The following CENPS variants were observed in gnomAD, a reference collection of about 807,000 sequenced individuals.
CENPS encodes the protein FANCM associated histone fold protein 1.
A neutral mutation model predicts 17.9 loss-of-function variants in CENPS; 16 were observed. The observed-to-expected ratio is 0.90, with a 90% CI of 0.61 to 1.36. The LOEUF (loss-of-function observed/expected upper bound fraction) is 1.36, where lower values mean the gene tolerates loss of function less well. Among genes scored for constraint, CENPS ranks in the 40% most tolerant of loss-of-function variants. The probability of loss-of-function intolerance (pLI) is 0.00; values close to 1 mark genes in which losing one functional copy is unlikely to be tolerated. For synonymous variants in CENPS, 49 were observed against 55.8 expected (o/e 0.88, Z 0.54); for missense variants, 160 against 158.6 (o/e 1.01, Z -0.05).
intron 3 of CENPS, among the ~76,000 whole-genome samples, chr1:10,438,213 C>T (rs11808556): frequency 0.081 from 12,326 of 151,788 alleles, 1,630 homozygotes; most frequent in African/African-American, 0.28. Context: ...GGTGTGATCT[C>T]GGCTCACTGC....
At position 10,442,341 on chromosome 1, in the gene CENPS, C is replaced by CA. The variant is rs1640453708; in HGVS notation, c.354dup (p.Glu119ArgfsTer19). Reference sequence around the variant, plus strand: ...CGAAAAGCACAGAAGAAAAAGAAGTCAGAGGATGGAAGCAAAAATTCAAGG... The same window carrying CA: ...CGAAAAGCACAGAAGAAAAAGAAGTCAAGAGGATGGAAGCAAAAATTCAAGG... On this transcript the variant is annotated frameshift_variant, in exon 5 of 5. Transcript: ENST00000309048. LOFTEE classifies it low-confidence loss of function (END_TRUNC). The CA allele has an allele frequency of 1.2e-6, 2 of 1,605,446 alleles. No individual in the cohort carries two copies.
intron 1 of CENPS, among the ~76,000 whole-genome samples, chr1:10,431,982 A>G (rs1639940934): frequency 6.6e-6 from 1 of 151,900 alleles, no homozygotes; most frequent in Admixed American, 6.6e-5. Flanking sequence ...CACTTGTCCT[A>G]AAGATGTTTC....
Position 10,433,886 on chromosome 1 carries a change from G to A in CENPS, c.96G>A (p.Glu32=), listed in dbSNP as rs912565105. The A allele has an allele frequency of 6.2e-7, 1 of 1,614,212 alleles. No individual in the cohort carries two copies. Among genetic ancestry groups the A allele is most frequent in the Non-Finnish European group, 8.5e-7 (1 of 1,180,028 alleles). Residue 32 remains glutamate (E), a synonymous_variant, in exon 2 of 5, where the codon GAG becomes GAA. Transcript: ENST00000309048. ...ACTATACTGTGGGTTGTCTTTGCGAGGAAGTTGCATTGGACAAAGAGATGC... is the reference window on the plus strand; with the variant it reads ...ACTATACTGTGGGTTGTCTTTGCGAAGAAGTTGCATTGGACAAAGAGATGC... ...AVHYTVGCLC[E]EVALDKEMQF...
chr1:10,435,662 C>T (rs905342435), intron 3 of CENPS, among the ~76,000 whole-genome samples: 7 of 145,732 alleles, frequency 4.8e-5, no homozygotes, highest in African/African-American at 1.8e-4. Flanking sequence ...TATTTATTAG[C>T]TGTGGGAAAA....
At chr1:10,431,855 G>GAA (rs5772410) in intron 1 of CENPS, among the ~76,000 whole-genome samples, 18,571 of 118,436 alleles carry the variant, frequency 0.16, 2,191 homozygotes, top group African/African-American at 0.31. Context: ...CTCCATCTCA[G>GAA]AAAAAAAAAA....
chr1:10,437,400 CTT>C (rs199866573), intron 3 of CENPS, among the ~76,000 whole-genome samples: 71 of 142,464 alleles, frequency 5.0e-4, no homozygotes, highest in Middle Eastern at 3.7e-3. Context: ...TTTCTTATTT[CTT>C]TTTTTTTTTT....
intron 1 of CENPS, among the ~76,000 whole-genome samples, chr1:10,433,111 G>A (rs1257549021): frequency 1.3e-5 from 2 of 152,156 alleles, no homozygotes; most frequent in Non-Finnish European, 1.5e-5. Flanking sequence ...CTTCGGCCCC[G>A]AGGCGGAGTA....
In CENPS at chr1:10,433,931, T is replaced by C. The variant is rs76326034; in HGVS notation, c.141T>C (p.Ile47=). ...DKEMQFSKQT[I]AAISELTFRQ... is the part of the protein sequence containing the mutation. ...AGATGCAGTTCAGCAAACAGACCAT[T>C]GCGGCCATTTCGGAGCTGACTTTCC... The change falls in exon 2 of 5, where the codon ATT becomes ATC. Residue 47 remains isoleucine (I), a synonymous_variant. Coordinates refer to ENST00000309048, the MANE Select transcript of CENPS (RefSeq NM_199294.3). The C allele has an allele frequency of 1.3e-5, 21 of 1,614,212 alleles. No homozygotes were observed. In the East Asian group the frequency reaches 4.0e-4, roughly 31 times the overall value.
rs59257602 is a variant in CENPS, at chr1:10,437,758, AT to A, written c.210-2565del. ...TGGCATGAGCCACTGTGCCTGGCCA[AT>A]TTTTTTTTTTTTTTTTTTTTTTTGA... On this transcript the variant is annotated intron_variant, in intron 3 of 4. Coordinates refer to ENST00000309048, the MANE Select transcript of CENPS (RefSeq NM_199294.3). 5.3e-3 allele frequency among the ~76,000 whole-genome samples: 657 copies of A among 123,150 alleles called. 1 individual carries two copies. The highest frequency in any genetic ancestry group is 0.018 in the East Asian group (74 of 4,142). 80.8% of individuals were successfully genotyped at this position (123,150 alleles called of 152,430 possible).
In CENPS at chr1:10,431,406, A is replaced by G. The variant is rs1430770831; in HGVS notation, c.51+838A>G. On this transcript the variant is annotated intron_variant, in intron 1 of 4. Coordinates refer to ENST00000309048, the MANE Select transcript of CENPS (RefSeq NM_199294.3). The stretch of plus-strand genomic sequence containing the variant: ...CAGAAAAGTTGCAAGAACACGGTAC[A>G]GAATGCCCAGATGCCCGTCACCTTG... 4.6e-6 allele frequency: 7 copies of G among 1,535,226 alleles called. No homozygotes were observed. The Admixed American group carries it at 1.4e-4, about 30-fold the overall frequency.
chr1:10,435,389 T>C (rs1223924138), intron 3 of CENPS, among the ~76,000 whole-genome samples: 2 of 152,056 alleles, frequency 1.3e-5, no homozygotes, highest in Non-Finnish European at 2.9e-5. Flanking sequence ...CTTTTCACCT[T>C]GTTCCCGTTA....
At position 10,430,531 on chromosome 1, in the gene CENPS, C is replaced by A; in HGVS notation, c.14C>A (p.Ala5Glu). The change falls in exon 1 of 5, where the codon GCG (alanine) becomes GAG (glutamate). Residue 5 changes from alanine to glutamate, a missense_variant. By Grantham distance (107) the Ala-to-Glu change is moderately radical. Coordinates refer to ENST00000309048, the MANE Select transcript of CENPS (RefSeq NM_199294.3). ...CGGCCCGCAGTGATGGAGGAGGAGG[C>A]GGAGACCGAGGAGCAGCAGCGATTC... Reference protein sequence around the residue: MEEEAETEEQQRFSY... With the variant: MEEEEETEEQQRFSY... The A allele has an allele frequency of 6.5e-7, 1 of 1,537,550 alleles. No individual in the cohort carries two copies. The highest frequency in any genetic ancestry group is 8.8e-7 in the Non-Finnish European group (1 of 1,142,358).
In CENPS at chr1:10,433,888, A is replaced by C. The variant is rs1182092596; in HGVS notation, c.98A>C (p.Glu33Ala). Residue 33 changes from glutamate to alanine, a missense_variant, in exon 2 of 5, where the codon GAA becomes GCA. Transcript: ENST00000309048. ...VHYTVGCLCE[E>A]VALDKEMQFS... ...TATACTGTGGGTTGTCTTTGCGAGG[A>C]AGTTGCATTGGACAAAGAGATGCAG... 4 of 1,614,182 alleles carry C rather than the reference A, an allele frequency of 2.5e-6. No homozygotes were observed. In the Middle Eastern group the frequency reaches 4.9e-4, roughly 200 times the overall value.
chr1:10,433,324 G>A (rs1640006851), intron 1 of CENPS, among the ~76,000 whole-genome samples: 1 of 152,200 alleles, frequency 6.6e-6, no homozygotes, highest in African/African-American at 2.4e-5. Flanking sequence ...AGAGGGGTGG[G>A]TGTGCCCTCT....
chr1:10,431,042 T>C, intron 1 of CENPS: 1 of 1,347,188 alleles, frequency 7.4e-7, no homozygotes, highest in Non-Finnish European at 9.6e-7. Context: ...AGCTCGTCCT[T>C]AGATGTGGGT....
At chr1:10,438,014 G>A (rs1315129591) in intron 3 of CENPS, among the ~76,000 whole-genome samples, 2 of 152,000 alleles carry the variant, frequency 1.3e-5, no homozygotes, top group Admixed American at 6.6e-5. Flanking sequence ...CGCCTGCCTC[G>A]GCCTCCCAAA....
chr1:10,440,364 C>T lies in CENPS; in HGVS notation c.227C>T (p.Thr76Ile). ...EMFARHAKRT[T>I]INTEDVKLLA... ...TTCTGCAGACATGCGAAAAGAACCA[C>T]AATTAACACTGAAGATGTGAAGCTC... Residue 76 changes from threonine (T) to isoleucine (I), a missense_variant, in exon 4 of 5, where the codon ACA becomes ATA. By Grantham distance (89) the Thr-to-Ile change is moderately conservative. Transcript: ENST00000309048. The T allele has an allele frequency of 1.2e-6, 2 of 1,613,930 alleles. No homozygotes were observed. The highest frequency in any genetic ancestry group is 1.7e-6 in the Non-Finnish European group (2 of 1,179,958).
At chr1:10,439,259 G>T (rs1344990060) in intron 3 of CENPS, among the ~76,000 whole-genome samples, 1 of 152,218 alleles carries the variant, frequency 6.6e-6, no homozygotes. Context: ...AGGATGCAAA[G>T]ATTCCTATTT....
chr1:10,434,795 G>A (rs1411975198), intron 3 of CENPS, 105 bp downstream of exon 3: 1 of 1,422,636 alleles, frequency 7.0e-7, no homozygotes, highest in Non-Finnish European at 9.3e-7. Flanking sequence ...AGTTTTCCGT[G>A]TGTTTTGTGG....
Sources: allele counts gnomAD v4.1 joint callset (sites outside exome capture counted in the v4.1 genomes callset), GRCh38; gene constraint gnomAD v4.1.1; transcripts MANE v1.5; gene names NCBI Gene and HGNC (gene_info 2026-07-23, HGNC 2026-07-21).